The following APBA1 variants were observed in gnomAD, a reference collection of about 807,000 sequenced individuals.
APBA1 encodes amyloid-beta A4 precursor protein-binding family A member 1.
Under a neutral mutation model 86.6 loss-of-function variants are expected in APBA1, and 55 were observed. The ratio of observed to expected loss-of-function variants is 0.64; its 90% CI spans 0.51 to 0.80. The LOEUF (loss-of-function observed/expected upper bound fraction) is 0.80, where lower values mean the gene tolerates loss of function less well. Ranked by LOEUF, APBA1 falls within the 30% of genes least tolerant of loss-of-function variation. The pLI is 0.00. For synonymous variants in APBA1, 511 were observed against 493.9 expected (o/e 1.03, Z -0.46); for missense variants, 1,090 against 1,183.0 (o/e 0.92, Z 1.15).
intron 1 of APBA1, among the ~76,000 whole-genome samples, chr9:69,571,368 T>C (rs140127809): frequency 1.3e-5 from 2 of 152,330 alleles, no homozygotes; most frequent in African/African-American, 4.8e-5. Context: ...AATTATTTAC[T>C]CTATAAAAAT....
chr9:69,599,159 G>A (rs896078201), intron 1 of APBA1, among the ~76,000 whole-genome samples: 3 of 152,202 alleles, frequency 2.0e-5, no homozygotes, highest in Non-Finnish European at 4.4e-5. Flanking sequence ...ATGGCTGCAC[G>A]ACAATGTGAG....
chr9:69,496,020 A>C (rs1435486435), intron 2 of APBA1, among the ~76,000 whole-genome samples: 1 of 152,264 alleles, frequency 6.6e-6, no homozygotes, highest in East Asian at 1.9e-4. Flanking sequence ...ATACGGTTTG[A>C]ACCAAACCAA....
intron 1 of APBA1, among the ~76,000 whole-genome samples, chr9:69,611,605 A>G (rs1045197313): frequency 6.6e-6 from 1 of 152,236 alleles, no homozygotes; most frequent in Admixed American, 6.5e-5. Context: ...GGAACAAATA[A>G]AATTTAGCCA....
intron 1 of APBA1, among the ~76,000 whole-genome samples, chr9:69,598,095 T>C (rs1368591586): frequency 6.6e-6 from 1 of 151,938 alleles, no homozygotes; most frequent in Non-Finnish European, 1.5e-5. Context: ...CATGGAATAC[T>C]ATGCAGCCAT....
chr9:69,443,854 G>T (rs757677442), intron 10 of APBA1, among the ~76,000 whole-genome samples: 3 of 152,112 alleles, frequency 2.0e-5, no homozygotes, highest in Non-Finnish European at 4.4e-5. Context: ...TGTGAATAAG[G>T]CTTGCTCCAC....
intron 10 of APBA1, among the ~76,000 whole-genome samples, chr9:69,447,317 A>G (rs1834926780): frequency 6.6e-6 from 1 of 151,842 alleles, no homozygotes; most frequent in South Asian, 2.1e-4. Flanking sequence ...ACTCAGACCA[A>G]CTCCCCACAA....
At chr9:69,648,194 A>C (rs560811094) in intron 1 of APBA1, among the ~76,000 whole-genome samples, 1 of 152,296 alleles carries the variant, frequency 6.6e-6, no homozygotes, top group South Asian at 2.1e-4. Flanking sequence ...AACATTTCTC[A>C]CCAAGAGCAG....
intron 1 of APBA1, among the ~76,000 whole-genome samples, chr9:69,530,324 A>T (rs1836408070): frequency 7.0e-6 from 1 of 142,616 alleles, no homozygotes. Flanking sequence ...ATATATATAT[A>T]TATATACACA....
chr9:69,531,661 A>C lies in APBA1; in HGVS notation c.-69-14382T>G, dbSNP rs562737002. Among the ~76,000 whole-genome samples, 120 of 152,288 alleles carry C rather than the reference A, an allele frequency of 7.9e-4. 1 individual carries two copies. The South Asian group carries it at 0.024, about 31-fold the overall frequency. ...TTCAGCACTCATGGCCTCTGTAGGTAAATCAGTAGGAGAAGTTGCCCAAAG... is the reference window on the plus strand; with the variant it reads ...TTCAGCACTCATGGCCTCTGTAGGTCAATCAGTAGGAGAAGTTGCCCAAAG... On this transcript the variant is annotated intron_variant, in intron 1 of 12. Coordinates refer to ENST00000265381, the MANE Select transcript of APBA1 (RefSeq NM_001163.4).
intron 1 of APBA1, among the ~76,000 whole-genome samples, chr9:69,620,944 C>T (rs1211586264): frequency 3.3e-5 from 5 of 152,132 alleles, no homozygotes; most frequent in South Asian, 2.1e-4. Flanking sequence ...CAGCATGCGG[C>T]GGTCCTGCAT....
At chr9:69,635,370 CA>C (rs1305772594) in intron 1 of APBA1, among the ~76,000 whole-genome samples, 1 of 151,146 alleles carries the variant, frequency 6.6e-6, no homozygotes, top group Non-Finnish European at 1.5e-5. Flanking sequence ...CATATACACA[CA>C]AAAAAAGCAA....
intron 5 of APBA1, among the ~76,000 whole-genome samples, chr9:69,459,722 G>A (rs932344342): frequency 6.6e-6 from 1 of 152,192 alleles, no homozygotes; most frequent in Non-Finnish European, 1.5e-5. Flanking sequence ...CAACTTTGAG[G>A]CAAGCCACTG....
intron 1 of APBA1, among the ~76,000 whole-genome samples, chr9:69,607,508 T>G (rs1394702943): frequency 6.6e-6 from 1 of 152,216 alleles, no homozygotes; most frequent in Non-Finnish European, 1.5e-5. Flanking sequence ...CCATTACTGC[T>G]AGGACTGGCA....
intron 1 of APBA1, among the ~76,000 whole-genome samples, chr9:69,531,068 T>C (rs1381743880): frequency 2.0e-5 from 3 of 152,160 alleles, no homozygotes; most frequent in Non-Finnish European, 4.4e-5. Flanking sequence ...CAACATATGA[T>C]CAATATAAAA....
chr9:69,441,676 C>T (rs1417220934), intron 10 of APBA1, among the ~76,000 whole-genome samples: 1 of 152,170 alleles, frequency 6.6e-6, no homozygotes, highest in Non-Finnish European at 1.5e-5. Context: ...TGTCAACATT[C>T]CCACAGCAAC....
chr9:69,650,007 G>A (rs1175618444), intron 1 of APBA1, among the ~76,000 whole-genome samples: 2 of 152,190 alleles, frequency 1.3e-5, no homozygotes, highest in African/African-American at 2.4e-5. Context: ...TCTAAGAAAT[G>A]AGAAAGCAGG....
At chr9:69,517,999 C>G (rs1588336573) in intron 1 of APBA1, among the ~76,000 whole-genome samples, 1 of 152,172 alleles carries the variant, frequency 6.6e-6, no homozygotes, top group South Asian at 2.1e-4. Flanking sequence ...GTTTCCCTAA[C>G]TTGTTTGACC....
chr9:69,647,514 C>T (rs1465013029), intron 1 of APBA1, among the ~76,000 whole-genome samples: 1 of 152,228 alleles, frequency 6.6e-6, no homozygotes, highest in Non-Finnish European at 1.5e-5. Flanking sequence ...ACTTCCAAAT[C>T]TTACACATAA....
intron 1 of APBA1, among the ~76,000 whole-genome samples, chr9:69,546,875 A>G (rs1836706642): frequency 2.0e-5 from 3 of 152,188 alleles, no homozygotes; most frequent in South Asian, 4.1e-4. Flanking sequence ...CACCCTTCTG[A>G]CCCACCTACT....
Sources: allele counts gnomAD v4.1 joint callset (sites outside exome capture counted in the v4.1 genomes callset), GRCh38; gene constraint gnomAD v4.1.1; transcripts MANE v1.5; gene names NCBI Gene and HGNC (gene_info 2026-07-23, HGNC 2026-07-21).